The following MST1 variants were observed in gnomAD, a reference collection of about 807,000 sequenced individuals.
MST1 encodes the protein hepatocyte growth factor-like protein.
In MST1, 76 loss-of-function variants were observed where a neutral mutation model predicts 100.1. That is an observed-to-expected ratio of 0.76 (90% CI 0.63 to 0.92). The LOEUF is 0.92. MST1 is among the 40% of genes least tolerant of loss of function. The pLI is 0.00. For synonymous variants in MST1, 352 were observed against 385.4 expected (o/e 0.91, Z 1.01); for missense variants, 850 against 990.0 (o/e 0.86, Z 1.90).
rs1247525551 is a variant in MST1, at chr3:49,686,153, T to G, written c.1056A>C (p.Ser352=). The G allele has an allele frequency of 6.8e-6, 11 of 1,611,250 alleles. No homozygotes were observed. The highest frequency in any genetic ancestry group is 9.3e-6 in the Non-Finnish European group (11 of 1,179,530). Residue 352 remains serine, a synonymous_variant, in exon 9 of 18, where the codon TCA becomes TCC. Transcript: ENST00000449682. The stretch of plus-strand genomic sequence containing the variant: ...GCAGTGTGAAGCACCAGGGCGCCTC[T>G]GAGCCGTCGGGGTTCCGGCAGAAGT... ...RENFCRNPDG[S]EAPWCFTLRP... is the part of the protein sequence containing the mutation.
At chr3:49,688,163 C>G in intron 1 of MST1, 1 of 549,436 alleles carries the variant, frequency 1.8e-6, no homozygotes, top group South Asian at 2.2e-5. Flanking sequence ...AACACATACG[C>G]TCTGTGAGAG....
rs772544796 is a variant in MST1 at position 49,686,299 on chromosome 3, C to A, written c.1016+14G>T. On this transcript the variant is annotated intron_variant, in intron 8 of 17. Transcript: ENST00000449682. The stretch of plus-strand genomic sequence containing the variant: ...GCAGCACGTCCCAACGCCCGCCCCC[C>A]CCCCCCACCTCACTTGCACGCGTAT... The A allele has an allele frequency of 5.9e-6, 8 of 1,362,864 alleles. No homozygotes were observed. The highest frequency in any genetic ancestry group is 3.3e-5 in the African/African-American group (2 of 60,582). The allele number at this position is 1,362,864 out of a possible 1,614,324, so 84.4% of individuals were successfully genotyped here.
Position 49,687,009 on chromosome 3 carries a change from T to C in MST1, c.666A>G (p.Ser222=), listed in dbSNP as rs756062596. 4 of 1,611,448 alleles carry C rather than the reference T, an allele frequency of 2.5e-6. No homozygotes were observed. The highest frequency in any genetic ancestry group is 2.2e-5 in the East Asian group (1 of 44,888). Residue 222 remains serine, a synonymous_variant, in exon 6 of 18, where the codon TCA becomes TCG. Coordinates refer to ENST00000449682, the MANE Select transcript of MST1 (RefSeq NM_020998.4). ...EYRGAVDRTE[S]GRECQRWDLQ... ...GATCCCAGCGCTGGCACTCGCGCCC[T>C]GACTCCGTGCGGTCTACCGCGCCGC...
chr3:49,686,117 C>A lies in MST1; in HGVS notation c.1092G>T (p.Met364Ile). Residue 364 changes from methionine (M) to isoleucine (I), a missense_variant, in exon 9 of 18, where the codon ATG becomes ATT. Met to Ile is a conservative substitution (Grantham distance 10). Around this residue, in one of 2 missense-constraint regions of MST1, gnomAD observed 816 missense variants for 924.6 expected, o/e 0.88. Transcript: ENST00000449682. ...APWCFTLRPG[M>I]RAAFCYQIRR... ...GGATCTGGTAGCAAAAGGCCGCGCGCATGCCGGGCCGCAGTGTGAAGCACC... is the reference window on the plus strand; with the variant it reads ...GGATCTGGTAGCAAAAGGCCGCGCGAATGCCGGGCCGCAGTGTGAAGCACC... The A allele has an allele frequency of 6.2e-7, 1 of 1,611,082 alleles. No individual in the cohort carries two copies. Among genetic ancestry groups the A allele is most frequent in the Non-Finnish European group, 8.5e-7 (1 of 1,179,518 alleles).
rs1443728429 is a variant in MST1, at chr3:49,685,270, C to A, written c.1536G>T (p.Leu512Phe). ...AGGCAGTTGTGCCTCACCGATTCCG[C>A]AAGCTGACTGTCCAGGGTGAGTTGC... Reference protein sequence around the residue: ...HPGNSPWTVSLRNRQGQHFCG... With the variant: ...HPGNSPWTVSFRNRQGQHFCG... Residue 512 changes from leucine to phenylalanine, a missense_variant, in exon 13 of 18, where the codon TTG (leucine) becomes TTT (phenylalanine). Leu to Phe is a conservative substitution (Grantham distance 22, BLOSUM62 0). Transcript: ENST00000449682. 2 of 1,613,362 alleles carry A rather than the reference C, an allele frequency of 1.2e-6. No individual in the cohort carries two copies. Among genetic ancestry groups the A allele is most frequent in the African/African-American group, 2.7e-5 (2 of 75,058 alleles).
Position 49,683,985 on chromosome 3 carries a change from A to T in MST1, c.*43T>A. 1 of 1,595,930 alleles carries T rather than the reference A, an allele frequency of 6.3e-7. No individual in the cohort carries two copies. The highest frequency in any genetic ancestry group is 1.3e-5 in the African/African-American group (1 of 74,306). ...AGGAAACATGGCTTTATGTCTGACA[A>T]GAAGTTTTGTCCTCCCCAAGGCATA... On this transcript the variant is annotated 3_prime_UTR_variant, in exon 18 of 18. Transcript: ENST00000449682.
chr3:49,684,943 C>T, intron 14 of MST1, 59 bp from the exon 15 acceptor site: 3 of 1,613,524 alleles, frequency 1.9e-6, no homozygotes, highest in Non-Finnish European at 2.5e-6. Flanking sequence ...CCAAGGCTCA[C>T]TTGTTAGCTT....
At position 49,687,898 on chromosome 3, in the gene MST1, C is replaced by G; in HGVS notation, c.95-1G>C. ...AAGTCATTCAATGGCGAGCGCTGCCCTGCAGAGTAGGCATGAGTGGGTGCA... is the reference window on the plus strand; with the variant it reads ...AAGTCATTCAATGGCGAGCGCTGCCGTGCAGAGTAGGCATGAGTGGGTGCA... On this transcript the variant is annotated splice_acceptor_variant, in intron 1 of 17. Transcript: ENST00000449682. LOFTEE classifies it high-confidence loss of function. 6.2e-7 allele frequency: 1 copy of G among 1,612,772 alleles called. No homozygotes were observed. Among genetic ancestry groups the G allele is most frequent in the Non-Finnish European group, 8.5e-7 (1 of 1,179,476 alleles).
intron 2 of MST1, 22 bp from the exon 3 acceptor site, chr3:49,687,690 G>C: frequency 6.2e-7 from 1 of 1,613,418 alleles, no homozygotes; most frequent in Non-Finnish European, 8.5e-7. Context: ...AAGGCACAGG[G>C]TAACGCCACA....
rs550893304 is a variant in MST1 at position 49,687,155 on chromosome 3, G to A, written c.601C>T (p.Arg201Trp). The change falls in exon 5 of 18, where the codon CGG (arginine) becomes TGG (tryptophan). Residue 201 changes from arginine (R) to tryptophan (W), a missense_variant. This residue lies in a region of MST1 where 816 missense variants were observed against 924.6 expected (regional missense o/e 0.88). Coordinates refer to ENST00000449682, the MANE Select transcript of MST1 (RefSeq NM_020998.4). ...TTGACCCGGCGCCGCTTACCCTCCCGGCAGGATTTGATGCCGCAGCTCTGG... is the reference window on the plus strand; with the variant it reads ...TTGACCCGGCGCCGCTTACCCTCCCAGCAGGATTTGATGCCGCAGCTCTGG... The part of the protein sequence containing the change: ...RFQSCGIKSC[R>W]EAACVWCNGE... The A allele has an allele frequency of 3.1e-6, 5 of 1,613,152 alleles. No individual in the cohort carries two copies. The African/African-American group carries it at 4.0e-5, about 13-fold the overall frequency.
rs1480051642 is a variant in MST1 at position 49,684,530 on chromosome 3, C to T, written c.1876+20G>A. ...GCTGGGCCTCCTGGCCACCAGCAGT[C>T]CTGTGCACTGTGCTCTTACCTTTGG... On this transcript the variant is annotated intron_variant, in intron 16 of 17. Transcript: ENST00000449682. 6.2e-7 allele frequency: 1 copy of T among 1,613,498 alleles called. No individual in the cohort carries two copies. Among genetic ancestry groups the T allele is most frequent in the East Asian group, 2.2e-5 (1 of 44,898 alleles).
Position 49,686,303 on chromosome 3 carries a change from C to CCCCG in MST1, c.1016+9_1016+10insCGGG. On this transcript the variant is annotated intron_variant, in intron 8 of 17. Coordinates refer to ENST00000449682, the MANE Select transcript of MST1 (RefSeq NM_020998.4). ...CACGTCCCAACGCCCGCCCCCCCCCCCCACCTCACTTGCACGCGTATTTTT... is the reference window on the plus strand; with the variant it reads ...CACGTCCCAACGCCCGCCCCCCCCCCCCCGCCACCTCACTTGCACGCGTATTTTT... 1.4e-6 allele frequency: 2 copies of CCCCG among 1,463,056 alleles called. No homozygotes were observed. Among genetic ancestry groups the CCCCG allele is most frequent in the South Asian group, 1.2e-5 (1 of 81,932 alleles). 90.6% of individuals were successfully genotyped at this position (1,463,056 alleles called of 1,614,324 possible).
rs1288496355 is a variant in MST1, at chr3:49,684,777, C to T, written c.1730G>A (p.Gly577Glu). 1 of 1,613,544 alleles carries T rather than the reference C, an allele frequency of 6.2e-7. No individual in the cohort carries two copies. The highest frequency in any genetic ancestry group is 1.7e-5 in the Admixed American group (1 of 60,020). The change falls in exon 15 of 18, where the codon GGG becomes GAG. Residue 577 changes from glycine (G) to glutamate (E), a missense_variant. Coordinates refer to ENST00000449682, the MANE Select transcript of MST1 (RefSeq NM_020998.4). ...QRVPVAKMVC[G>E]PSGSQLVLLK... ...CAGGACAAGCTGGGAGCCTGAGGGC[C>T]CACACACCATCTTGGCTACTGGGAC...
Position 49,685,851 on chromosome 3 carries a change from G to C in MST1, c.1250+9C>G, listed in dbSNP as rs763802170. 1 of 1,611,716 alleles carries C rather than the reference G, an allele frequency of 6.2e-7. No homozygotes were observed. The highest frequency in any genetic ancestry group is 8.5e-7 in the Non-Finnish European group (1 of 1,179,640). On this transcript the variant is annotated intron_variant, in intron 10 of 17. Coordinates refer to ENST00000449682, the MANE Select transcript of MST1 (RefSeq NM_020998.4). ...GGCCCTGGCGGGGCCGGGAGCACCA[G>C]GGACTCACTGCGGCTTGTGCGGCGT...
At position 49,684,865 on chromosome 3, in the gene MST1, A is replaced by G. The variant is rs1383163014; in HGVS notation, c.1642T>C (p.Tyr548His). ...FSSCHMPLTG[Y>H]EVWLGTLFQN... Reference sequence around the variant, plus strand: ...AACAGGGTGCCCAACCATACCTCATAGCCCGTGAGAGGCATATGGCTGGGA... The same window carrying G: ...AACAGGGTGCCCAACCATACCTCATGGCCCGTGAGAGGCATATGGCTGGGA... Residue 548 changes from tyrosine (Y) to histidine (H), a missense_variant, in exon 15 of 18, where the codon TAT becomes CAT. Tyr to His is a moderately conservative substitution (Grantham distance 83). Coordinates refer to ENST00000449682, the MANE Select transcript of MST1 (RefSeq NM_020998.4). The G allele has an allele frequency of 8.1e-6, 13 of 1,613,452 alleles. No individual in the cohort carries two copies. Among genetic ancestry groups the G allele is most frequent in the Non-Finnish European group, 1.1e-5 (13 of 1,179,790 alleles).
rs757815409 is a variant in MST1 at position 49,687,242 on chromosome 3, G to A, written c.514C>T (p.Arg172Cys). ...LRNGLEENFC[R>C]NPDGDPGGPW... is the part of the protein sequence containing the mutation. The stretch of plus-strand genomic sequence containing the variant: ...CCTCCGGGGTCGCCATCAGGGTTAC[G>A]GCAGAAGTTCTCTTCCAGGCCATTC... Residue 172 changes from arginine (R) to cysteine (C), a missense_variant, in exon 5 of 18, where the codon CGT becomes TGT. Arg to Cys is a radical substitution (Grantham distance 180). Transcript: ENST00000449682. 6 of 1,613,510 alleles carry A rather than the reference G, an allele frequency of 3.7e-6. No individual in the cohort carries two copies. Among genetic ancestry groups the A allele is most frequent in the South Asian group, 2.2e-5 (2 of 91,074 alleles).
At chr3:49,684,246 C>T (rs2053494352) in intron 17 of MST1, 57 bp from the exon 18 acceptor site, 7 of 1,609,148 alleles carry the variant, frequency 4.4e-6, no homozygotes, top group Non-Finnish European at 5.1e-6. Flanking sequence ...TAGCCTGCTT[C>T]ATGATAAAAT....
At chr3:49,688,082 G>C (rs1363351758) in intron 1 of MST1, 185 bp from the exon 2 acceptor site, 1 of 970,268 alleles carries the variant, frequency 1.0e-6, no homozygotes, top group African/African-American at 1.7e-5. Context: ...ATTTCCCCTG[G>C]GAAGCAGGCC....
In MST1 at chr3:49,688,804, C is replaced by T; in HGVS notation, c.-113G>A. 1.3e-6 allele frequency: 1 copy of T among 765,770 alleles called. No individual in the cohort carries two copies. The highest frequency in any genetic ancestry group is 2.1e-6 in the Non-Finnish European group (1 of 471,744). The allele number at this position is 765,770 out of a possible 1,614,324, so 47.4% of individuals were successfully genotyped here. A position where few individuals can be genotyped will look rare whatever the true frequency, so the allele number is the denominator to read the frequency against. The stretch of plus-strand genomic sequence containing the variant: ...CCTGGTGACAGGAGCCATGAGGGGC[C>T]AGGCCTCAGGTCCCATAGGTCAGTT... On this transcript the variant is annotated 5_prime_UTR_variant, in exon 1 of 18. An upstream open reading frame in the 5' UTR gains an earlier in-frame stop. Transcript: ENST00000449682.
Sources: gnomAD v4.1 joint callset for allele counts on GRCh38, gnomAD v4.1.1 for gene constraint, gnomAD v4.1.1 regional missense constraint, MANE v1.5 for transcripts, NCBI Gene and HGNC (gene_info 2026-07-23, HGNC 2026-07-21) for gene names.